Variants in TDRD5 observed in about 807,000 individuals in gnomAD.
TDRD5 encodes tudor domain containing 5, also known as tudor domain-containing protein 5.
A neutral mutation model predicts 120.6 loss-of-function variants in TDRD5; 41 were observed. That is an observed-to-expected ratio of 0.34 (90% CI 0.26 to 0.44). The LOEUF (loss-of-function observed/expected upper bound fraction) is 0.44. Among genes scored for constraint, TDRD5 ranks in the 20% least tolerant of loss-of-function variants. The probability of loss-of-function intolerance (pLI) is 1.00; values close to 1 mark genes in which losing one functional copy is unlikely to be tolerated. For missense variants in TDRD5, 1,006 were observed against 1,221.2 expected (o/e 0.82, Z 2.63); for synonymous variants, 430 against 433.7 (o/e 0.99, Z 0.11).
chr1:179,617,646 A>G (rs983432938), intron 4 of TDRD5, among the ~76,000 whole-genome samples: 3 of 151,614 alleles, frequency 2.0e-5, no homozygotes, highest in Non-Finnish European at 4.4e-5. Context: ...ACATTCAGTT[A>G]TCTACTTTAA....
intron 4 of TDRD5, among the ~76,000 whole-genome samples, chr1:179,611,495 AC>A (rs1329294851): frequency 6.6e-6 from 1 of 152,152 alleles, no homozygotes; most frequent in African/African-American, 2.4e-5. Context: ...CAAGTAGACT[AC>A]CCTACCATTT....
rs1572353000 is a variant in TDRD5 at position 179,618,626 on chromosome 1, G to A, written c.859G>A (p.Ala287Thr). The change falls in exon 5 of 18, where the codon GCA becomes ACA. Residue 287 changes from alanine (A) to threonine (T), a missense_variant. Ala to Thr is a moderately conservative substitution (Grantham distance 58). This residue lies in a region of TDRD5 where 445 missense variants were observed against 515.5 expected (regional missense o/e 0.86). Coordinates refer to ENST00000444136, the MANE Select transcript of TDRD5 (RefSeq NM_001199085.3). ...QLENTFKSVI[A>T]QIGPGGTISS... ...GGAGAACACATTCAAATCAGTTATT[G>A]CACAGATTGGACCTGGAGGAACTAT... The A allele has an allele frequency of 5.6e-6, 9 of 1,594,208 alleles. No homozygotes were observed. The highest frequency in any genetic ancestry group is 2.7e-5 in the African/African-American group (2 of 73,426).
At position 179,690,808 on chromosome 1, in the gene TDRD5, T is replaced by G. The variant is rs1681108678; in HGVS notation, c.2973T>G (p.Ser991=). 2 of 1,614,112 alleles carry G rather than the reference T, an allele frequency of 1.2e-6. No individual in the cohort carries two copies. Among genetic ancestry groups the G allele is most frequent in the Non-Finnish European group, 1.7e-6 (2 of 1,180,034 alleles). ...TAGACCAGCTGTCTTTGATTTTGTC[T>G]TATGAGTGCCAGATTTCTCAGAAGC... ...ESVDQLSLIL[S]YECQISQKLY... The change falls in exon 18 of 18, where the codon TCT becomes TCG. Residue 991 remains serine (S), a synonymous_variant. Transcript: ENST00000444136.
At position 179,674,064 on chromosome 1, in the gene TDRD5, G is replaced by A. The variant is rs547645254; in HGVS notation, c.2860+4660G>A. Among the ~76,000 whole-genome samples, 401 of 152,200 alleles carry A rather than the reference G, an allele frequency of 2.6e-3. 1 individual carries two copies. Among genetic ancestry groups the A allele is most frequent in the Non-Finnish European group, 4.3e-3 (294 of 67,996 alleles). On this transcript the variant is annotated intron_variant, in intron 17 of 17. Coordinates refer to ENST00000444136, the MANE Select transcript of TDRD5 (RefSeq NM_001199085.3). ...TTCTTTCTCTTGTCTGATTGCTCTG[G>A]CTAGGACTTCCAGTACCATGTTGAA...
chr1:179,635,368 A>G (rs749410085), intron 8 of TDRD5, among the ~76,000 whole-genome samples: 4 of 152,158 alleles, frequency 2.6e-5, no homozygotes, highest in Admixed American at 6.5e-5. Context: ...CATATTTTCA[A>G]TTTTGTATAG....
chr1:179,626,010 A>C (rs1677105662), intron 6 of TDRD5, among the ~76,000 whole-genome samples: 1 of 151,982 alleles, frequency 6.6e-6, no homozygotes, highest in Non-Finnish European at 1.5e-5. Context: ...TGGGAATTGA[A>C]CAATGAGAAC....
At position 179,595,733 on chromosome 1, in the gene TDRD5, C is replaced by T. The variant is rs773347871; in HGVS notation, c.746C>T (p.Pro249Leu). Residue 249 changes from proline (P) to leucine (L), a missense_variant, in exon 4 of 18, where the codon CCG becomes CTG. Coordinates refer to ENST00000444136, the MANE Select transcript of TDRD5 (RefSeq NM_001199085.3). ...CAACCCACTTCAAACATGGAACCACCGAAGCAAATAATGAGCATGGAAAAG... is the reference window on the plus strand; with the variant it reads ...CAACCCACTTCAAACATGGAACCACTGAAGCAAATAATGAGCATGGAAAAG... ...FSQPTSNMEP[P>L]KQIMSMEKTS... 6 of 1,613,574 alleles carry T rather than the reference C, an allele frequency of 3.7e-6. No homozygotes were observed. The highest frequency in any genetic ancestry group is 2.7e-5 in the African/African-American group (2 of 74,882).
In TDRD5 at chr1:179,669,239, T is replaced by C. The variant is rs779427892; in HGVS notation, c.2695T>C (p.Leu899=). ...GSSDSSTLPK[L]EEFCTSLTQS... is the part of the protein sequence containing the mutation. ...TTCAGATTCTTCCACACTGCCCAAA[T>C]TGGAAGAATTCTGTACCTCTCTTAC... The change falls in exon 17 of 18, where the codon TTG becomes CTG. Residue 899 remains leucine, a synonymous_variant. Transcript: ENST00000444136. 20 of 1,613,992 alleles carry C rather than the reference T, an allele frequency of 1.2e-5. No individual in the cohort carries two copies. Among genetic ancestry groups the C allele is most frequent in the African/African-American group, 9.3e-5 (7 of 74,876 alleles).
rs1225634094 is a variant in TDRD5, at chr1:179,654,377, GAT to G, written c.2322+17_2322+18del. On this transcript the variant is annotated intron_variant, in intron 14 of 17. Coordinates refer to ENST00000444136, the MANE Select transcript of TDRD5 (RefSeq NM_001199085.3). ...AAGAAAATGAGGTAGGAGAAGGAAA[GAT>G]AGTCTTTGAATATGTAATTAATATA... 1.3e-6 allele frequency: 2 copies of G among 1,517,648 alleles called. No individual in the cohort carries two copies. Among genetic ancestry groups the G allele is most frequent in the Non-Finnish European group, 8.8e-7 (1 of 1,130,580 alleles). 94.0% of individuals were successfully genotyped at this position (1,517,648 alleles called of 1,614,324 possible). A position where few individuals can be genotyped will look rare whatever the true frequency, so the allele number is the denominator to read the frequency against.
At chr1:179,599,543 T>G (rs534233385) in intron 4 of TDRD5, among the ~76,000 whole-genome samples, 21 of 152,222 alleles carry the variant, frequency 1.4e-4, no homozygotes, top group African/African-American at 4.8e-4. Context: ...TTCTTTTTTT[T>G]TTTTTAAATG....
chr1:179,670,813 A>G (rs971190024), intron 17 of TDRD5, among the ~76,000 whole-genome samples: 1 of 152,248 alleles, frequency 6.6e-6, no homozygotes, highest in South Asian at 2.1e-4. Context: ...TTTGTCAGGT[A>G]TAAATATTCC....
rs546853659 is a variant in TDRD5, at chr1:179,600,960, T to C, written c.831+5142T>C. ...CAGAGATGTTTCTGTTCGAATTTCATTGTGGTCCAACAACATAGATTTCAT... is the reference window on the plus strand; with the variant it reads ...CAGAGATGTTTCTGTTCGAATTTCACTGTGGTCCAACAACATAGATTTCAT... On this transcript the variant is annotated intron_variant, in intron 4 of 17. Coordinates refer to ENST00000444136, the MANE Select transcript of TDRD5 (RefSeq NM_001199085.3). Among the ~76,000 whole-genome samples the C allele has an allele frequency of 7.6e-3, 1,156 of 152,294 alleles. 17 individuals carry two copies. Among genetic ancestry groups the C allele is most frequent in the African/African-American group, 0.022 (898 of 41,574 alleles).
At chr1:179,650,506 G>A (rs940433284) in intron 11 of TDRD5, among the ~76,000 whole-genome samples, 3 of 149,698 alleles carry the variant, frequency 2.0e-5, no homozygotes, top group African/African-American at 7.4e-5. Context: ...CTGATAATTT[G>A]TTCAAGCTTG....
At chr1:179,621,399 G>C (rs930414563) in intron 6 of TDRD5, among the ~76,000 whole-genome samples, 1 of 152,014 alleles carries the variant, frequency 6.6e-6, no homozygotes, top group Admixed American at 6.6e-5. Context: ...TTCATACACT[G>C]CTTGTGGGAC....
chr1:179,668,765 T>C (rs1454152696), intron 16 of TDRD5, among the ~76,000 whole-genome samples: 1 of 134,550 alleles, frequency 7.4e-6, no homozygotes, highest in Admixed American at 8.5e-5. Flanking sequence ...TTTTTTGTGA[T>C]GGAGTCTCGC....
chr1:179,605,392 A>G (rs560191622), intron 4 of TDRD5, among the ~76,000 whole-genome samples: 1 of 152,212 alleles, frequency 6.6e-6, no homozygotes, highest in African/African-American at 2.4e-5. Context: ...TTGAGATGTG[A>G]GGTACTATTG....
intron 17 of TDRD5, among the ~76,000 whole-genome samples, chr1:179,689,432 A>G (rs1680975279): frequency 6.6e-6 from 1 of 152,100 alleles, no homozygotes; most frequent in Non-Finnish European, 1.5e-5. Flanking sequence ...TCAGAAGGGC[A>G]CCTGGCTGTA....
intron 14 of TDRD5, among the ~76,000 whole-genome samples, chr1:179,660,202 T>C (rs1679225561): frequency 6.7e-6 from 1 of 150,258 alleles, no homozygotes; most frequent in South Asian, 2.1e-4. Flanking sequence ...TTCCATTTTA[T>C]CTACTATGGT....
chr1:179,678,859 A>G lies in TDRD5; in HGVS notation c.2860+9455A>G, dbSNP rs147946065. ...TTTACTACTTGTGAAATTGTTTGCC[A>G]TTTTTCCTTTTCCTTGTACTGGTTA... is the stretch of plus-strand genomic sequence containing the variant. On this transcript the variant is annotated intron_variant, in intron 17 of 17. Transcript: ENST00000444136. 2.6e-5 allele frequency among the ~76,000 whole-genome samples: 4 copies of G among 152,260 alleles called. No individual in the cohort carries two copies. The South Asian group carries it at 6.2e-4, about 24-fold the overall frequency.
Sources: allele counts gnomAD v4.1 joint callset (sites outside exome capture counted in the v4.1 genomes callset), GRCh38; gene constraint gnomAD v4.1.1; regional missense constraint gnomAD v4.1.1; transcripts MANE v1.5; gene names NCBI Gene and HGNC (gene_info 2026-07-23, HGNC 2026-07-21).